Variants in NEK6 observed in about 807,000 individuals in gnomAD.
NEK6 encodes serine/threonine-protein kinase Nek6.
A neutral mutation model predicts 43.5 loss-of-function variants in NEK6; 27 were observed. That is an observed-to-expected ratio of 0.62 (90% confidence interval 0.46 to 0.86). NEK6 has a LOEUF of 0.86. NEK6 is among the 40% of genes least tolerant of loss of function. NEK6 has a pLI of 0.00. For synonymous variants in NEK6, 167 were observed against 164.1 expected, an observed-to-expected ratio of 1.02 and a Z score of -0.14; for missense variants, 318 against 414.4, an observed-to-expected ratio of 0.77 and a Z score of 2.02.
In NEK6 at chr9:124,312,441, C is replaced by T. The variant is rs1477205073; in HGVS notation, c.91-68C>T. On this transcript the variant is annotated intron_variant, in intron 2 of 9. Coordinates refer to ENST00000320246, the MANE Select transcript of NEK6 (RefSeq NM_014397.6). ...AGGGTGCTGTTGGGGTGCTGGGCCT[C>T]TAGGGGTCGTCCCCAGGCCTCTGCT... 6 of 1,532,476 alleles carry T rather than the reference C, an allele frequency of 3.9e-6. No homozygotes were observed. The Middle Eastern group carries it at 6.0e-4, about 153-fold the overall frequency. The allele number at this position is 1,532,476 out of a possible 1,614,324, so 94.9% of individuals were successfully genotyped here.
chr9:124,312,986 T>A (rs1172656551), intron 3 of NEK6, among the ~76,000 whole-genome samples: 2 of 152,160 alleles, frequency 1.3e-5, no homozygotes. Flanking sequence ...AGCATGAGTC[T>A]TGGGGGAGCT....
intron 1 of NEK6, among the ~76,000 whole-genome samples, chr9:124,291,150 C>G (rs144193811): frequency 6.6e-6 from 1 of 152,176 alleles, no homozygotes; most frequent in African/African-American, 2.4e-5. Flanking sequence ...CCACCAGCAC[C>G]CCGGGCAGTA....
chr9:124,304,419 A>G (rs1833152203), intron 2 of NEK6, among the ~76,000 whole-genome samples: 1 of 152,202 alleles, frequency 6.6e-6, no homozygotes, highest in South Asian at 2.1e-4. Context: ...TCCGTCTCTC[A>G]TTAGCCGGGT....
intron 1 of NEK6, among the ~76,000 whole-genome samples, chr9:124,260,035 T>C (rs1271688443): frequency 6.6e-6 from 1 of 152,102 alleles, no homozygotes; most frequent in Admixed American, 6.5e-5. Flanking sequence ...GGTGTGAATC[T>C]CCCGTTGGTC....
intron 9 of NEK6, among the ~76,000 whole-genome samples, chr9:124,350,228 A>C (rs1830180912): frequency 6.6e-6 from 1 of 152,334 alleles, no homozygotes; most frequent in South Asian, 2.1e-4. Context: ...TAGGCATTTT[A>C]AGGTCATTAT....
chr9:124,264,822 A>G (rs1475330516), intron 1 of NEK6, among the ~76,000 whole-genome samples: 5 of 144,512 alleles, frequency 3.5e-5, no homozygotes, highest in Non-Finnish European at 7.5e-5. Flanking sequence ...ATCAAAAAAA[A>G]AAAAAAAAAA....
At chr9:124,308,571 G>C (rs1002553134) in intron 2 of NEK6, among the ~76,000 whole-genome samples, 1 of 151,202 alleles carries the variant, frequency 6.6e-6, no homozygotes, top group Non-Finnish European at 1.5e-5. Context: ...CAGGAGAATC[G>C]CTTGAACCCG....
At chr9:124,317,187 T>C (rs1833859977) in intron 4 of NEK6, among the ~76,000 whole-genome samples, 2 of 152,206 alleles carry the variant, frequency 1.3e-5, no homozygotes, top group African/African-American at 4.8e-5. Context: ...AGGGCAGCGA[T>C]GTGATGGCCA....
At chr9:124,311,839 G>A (rs1244548996) in intron 2 of NEK6, among the ~76,000 whole-genome samples, 1 of 152,168 alleles carries the variant, frequency 6.6e-6, no homozygotes, top group East Asian at 1.9e-4. Context: ...ATAGGCATGG[G>A]CCACCACACC....
intron 7 of NEK6, among the ~76,000 whole-genome samples, chr9:124,328,361 C>T (rs1416846588): frequency 6.6e-6 from 1 of 152,158 alleles, no homozygotes; most frequent in African/African-American, 2.4e-5. Context: ...GGGAACATTT[C>T]CCAGAGGCCC....
intron 7 of NEK6, among the ~76,000 whole-genome samples, chr9:124,330,329 A>G (rs1588524722): frequency 6.6e-6 from 1 of 152,390 alleles, no homozygotes; most frequent in Non-Finnish European, 1.5e-5. Context: ...ATGCAGGAAA[A>G]ATGAAAGATT....
intron 1 of NEK6, among the ~76,000 whole-genome samples, chr9:124,265,029 C>T (rs2118876068): frequency 6.6e-6 from 1 of 152,120 alleles, no homozygotes; most frequent in East Asian, 1.9e-4. Flanking sequence ...CCACATAGAC[C>T]TAAAGCAGAT....
chr9:124,347,533 T>G (rs1409486701), intron 8 of NEK6, among the ~76,000 whole-genome samples, 176 bp from the exon 9 acceptor site: 1 of 152,228 alleles, frequency 6.6e-6, no homozygotes, highest in Non-Finnish European at 1.5e-5. Context: ...GTGTTGCGCC[T>G]GCTCCTCTGT....
At chr9:124,336,028 C>T (rs565746967) in intron 7 of NEK6, among the ~76,000 whole-genome samples, 1 of 152,232 alleles carries the variant, frequency 6.6e-6, no homozygotes, top group South Asian at 2.1e-4. Context: ...TACCCAAGGT[C>T]AAGAGTTTGA....
At chr9:124,267,503 C>T (rs960530301) in intron 1 of NEK6, among the ~76,000 whole-genome samples, 3 of 152,260 alleles carry the variant, frequency 2.0e-5, no homozygotes, top group African/African-American at 7.2e-5. Context: ...GCCTCCTTAC[C>T]TAACCCAAGA....
At chr9:124,337,835 T>C (rs1331775928) in intron 7 of NEK6, among the ~76,000 whole-genome samples, 1 of 152,262 alleles carries the variant, frequency 6.6e-6, no homozygotes, top group Non-Finnish European at 1.5e-5. Flanking sequence ...TCCAAAGTAG[T>C]TGTACCATTT....
chr9:124,297,787 C>T (rs967795034), intron 1 of NEK6, among the ~76,000 whole-genome samples: 3 of 152,220 alleles, frequency 2.0e-5, no homozygotes, highest in African/African-American at 7.2e-5. Flanking sequence ...CTCAGTGTTA[C>T]CCCGAGGTGC....
At chr9:124,336,784 G>A (rs1256980518) in intron 7 of NEK6, among the ~76,000 whole-genome samples, 5 of 152,090 alleles carry the variant, frequency 3.3e-5, no homozygotes, top group Admixed American at 6.6e-5. Context: ...CGAGGCAGAC[G>A]GATCACCTGA....
Position 124,327,330 on chromosome 9 carries a change from C to A in NEK6, c.515-8C>A. ...CCCCACACCAATCTCCTTCTCCTCGCCCTGCAGACATCAAGCCTGCCAACG... is the reference window on the plus strand; with the variant it reads ...CCCCACACCAATCTCCTTCTCCTCGACCTGCAGACATCAAGCCTGCCAACG... On this transcript the variant is annotated splice_polypyrimidine_tract_variant and splice_region_variant and intron_variant, in intron 6 of 9. Coordinates refer to ENST00000320246, the MANE Select transcript of NEK6 (RefSeq NM_014397.6). 6.2e-7 allele frequency: 1 copy of A among 1,612,860 alleles called. No homozygotes were observed. The highest frequency in any genetic ancestry group is 8.5e-7 in the Non-Finnish European group (1 of 1,179,004).
Sources: allele counts gnomAD v4.1 joint callset (sites outside exome capture counted in the v4.1 genomes callset), GRCh38; gene constraint gnomAD v4.1.1; transcripts MANE v1.5; gene names NCBI Gene and HGNC (gene_info 2026-07-23, HGNC 2026-07-21).